DCDC1: variants seen among roughly 807,000 people sequenced by gnomAD.
DCDC1 encodes the protein doublecortin domain-containing protein 1.
Under a neutral mutation model 178.3 loss-of-function variants are expected in DCDC1, and 200 were observed. That is an observed-to-expected ratio of 1.12 (90% CI 1.00 to 1.26). The LOEUF (loss-of-function observed/expected upper bound fraction) is 1.26. DCDC1 is among the 50% of genes most tolerant of loss of function. The pLI, the probability that DCDC1 is intolerant of heterozygous loss-of-function variation, is 0.00. For synonymous variants in DCDC1, 690 were observed against 604.8 expected, an observed-to-expected ratio of 1.14 and a Z score of -2.07; for missense variants, 1,983 against 1,749.2, an observed-to-expected ratio of 1.13 and a Z score of -2.38.
chr11:31,213,740 A>T (rs1973158874), intron 9 of DCDC1, among the ~76,000 whole-genome samples: 1 of 151,938 alleles, frequency 6.6e-6, no homozygotes, highest in South Asian at 2.1e-4. Context: ...CAAAAAAAAA[A>T]GTGGTCATCT....
intron 6 of DCDC1, among the ~76,000 whole-genome samples, chr11:31,292,555 A>G (rs1591662100): frequency 6.6e-6 from 1 of 152,298 alleles, no homozygotes; most frequent in South Asian, 2.1e-4. Flanking sequence ...ATGAAATATC[A>G]GAATAGGTAC....
At chr11:31,101,196 C>T (rs1958481279) in intron 15 of DCDC1, among the ~76,000 whole-genome samples, 2 of 152,122 alleles carry the variant, frequency 1.3e-5, no homozygotes, top group Non-Finnish European at 2.9e-5. Context: ...CTTTGGACTG[C>T]TCTGTCTCTG....
intron 7 of DCDC1, among the ~76,000 whole-genome samples, chr11:31,273,615 C>T (rs1467239859): frequency 1.3e-5 from 2 of 152,144 alleles, no homozygotes; most frequent in Admixed American, 1.3e-4. Flanking sequence ...CCAATTTTGT[C>T]CTATCTTCTT....
intron 3 of DCDC1, among the ~76,000 whole-genome samples, chr11:31,310,568 C>A (rs1309281345): frequency 6.6e-6 from 1 of 151,988 alleles, no homozygotes; most frequent in Non-Finnish European, 1.5e-5. Context: ...ATCCTCCCAC[C>A]TTGGCCTCTC....
intron 11 of DCDC1, among the ~76,000 whole-genome samples, chr11:31,120,017 T>C (rs1960565450): frequency 6.6e-6 from 1 of 152,176 alleles, no homozygotes; most frequent in African/African-American, 2.4e-5. Flanking sequence ...CAATGTCTTC[T>C]GGACAAGGCT....
At chr11:31,260,157 T>G (rs1944687533) in intron 8 of DCDC1, among the ~76,000 whole-genome samples, 1 of 152,200 alleles carries the variant, frequency 6.6e-6, no homozygotes, top group Non-Finnish European at 1.5e-5. Flanking sequence ...GCCATCTGGC[T>G]GATACTGGGA....
chr11:31,029,786 A>C lies in DCDC1; in HGVS notation c.2591+34683T>G, dbSNP rs191514649. Among the ~76,000 whole-genome samples the C allele has an allele frequency of 2.1e-3, 320 of 152,242 alleles. 1 individual carries two copies. Among genetic ancestry groups the C allele is most frequent in the African/African-American group, 6.8e-3 (281 of 41,574 alleles). On this transcript the variant is annotated intron_variant, in intron 20 of 38. Transcript: ENST00000684477. ...GAGGCTGACATTCGTGTTAACTTTCAATGAGGTTTTGTCTTATATATTTTA... is the reference window on the plus strand; with the variant it reads ...GAGGCTGACATTCGTGTTAACTTTCCATGAGGTTTTGTCTTATATATTTTA...
At chr11:30,888,784 T>A (rs1029239965) in intron 36 of DCDC1, among the ~76,000 whole-genome samples, 1 of 152,214 alleles carries the variant, frequency 6.6e-6, no homozygotes, top group African/African-American at 2.4e-5. Context: ...TTCAAATGTA[T>A]CTAAATTTAC....
chr11:30,884,479 G>A (rs1194457181), intron 36 of DCDC1, among the ~76,000 whole-genome samples: 4 of 152,134 alleles, frequency 2.6e-5, no homozygotes, highest in African/African-American at 4.8e-5. Flanking sequence ...TCACCATCAT[G>A]TGAATTTAAT....
At chr11:31,029,195 A>T (rs1374097705) in intron 20 of DCDC1, among the ~76,000 whole-genome samples, 1 of 152,096 alleles carries the variant, frequency 6.6e-6, no homozygotes, top group Non-Finnish European at 1.5e-5. Flanking sequence ...TTTTCAAAAC[A>T]AGTGAACTTC....
At chr11:31,180,988 A>G (rs1968717490) in intron 9 of DCDC1, among the ~76,000 whole-genome samples, 1 of 152,176 alleles carries the variant, frequency 6.6e-6, no homozygotes, top group African/African-American at 2.4e-5. Context: ...CTGCCAGCAC[A>G]GCAGGCTGAA....
At chr11:31,310,308 ATTTT>A (rs11407483) in intron 3 of DCDC1, among the ~76,000 whole-genome samples, 1 of 53,864 alleles carries the variant, frequency 1.9e-5, no homozygotes, top group African/African-American at 8.5e-5. Context: ...GTAATTCTTG[ATTTT>A]TTTTTTTTTT....
chr11:30,968,711 T>TTATATATATATCAAATTATA (rs1949597623), intron 20 of DCDC1, among the ~76,000 whole-genome samples: 1 of 61,058 alleles, frequency 1.6e-5, no homozygotes, highest in Non-Finnish European at 3.1e-5. Flanking sequence ...ATATATCAAA[T>TTATATATATATCAAATTATA]TATATATATA....
At chr11:30,888,650 G>A (rs911333389) in intron 36 of DCDC1, among the ~76,000 whole-genome samples, 1 of 152,170 alleles carries the variant, frequency 6.6e-6, no homozygotes, top group African/African-American at 2.4e-5. Context: ...CCAGGAGGCG[G>A]AGGTTTCAGT....
intron 20 of DCDC1, among the ~76,000 whole-genome samples, chr11:31,029,553 AT>A (rs1265712941): frequency 6.6e-6 from 1 of 152,028 alleles, no homozygotes; most frequent in Non-Finnish European, 1.5e-5. Context: ...TTAAATTGAC[AT>A]TATTTTAGCA....
intron 1 of DCDC1, among the ~76,000 whole-genome samples, chr11:31,356,650 T>C (rs994091376): frequency 6.0e-5 from 9 of 150,568 alleles, no homozygotes; most frequent in Non-Finnish European, 1.3e-4. Flanking sequence ...ATCCAGGAGC[T>C]GGTTTTTTGA....
At position 31,173,769 on chromosome 11, in the gene DCDC1, C is replaced by T. The variant is rs72884224; in HGVS notation, c.1222-35985G>A. The stretch of plus-strand genomic sequence containing the variant: ...ACACACACACACACAAACACACACA[C>T]ACCCCCACATCTTTTTAGACATCTT... On this transcript the variant is annotated intron_variant, in intron 9 of 38. Transcript: ENST00000684477. 2.9e-4 allele frequency among the ~76,000 whole-genome samples: 44 copies of T among 151,472 alleles called. 1 individual carries two copies. The highest frequency in any genetic ancestry group is 8.7e-4 in the African/African-American group (36 of 41,198).
intron 20 of DCDC1, among the ~76,000 whole-genome samples, chr11:30,975,001 G>C (rs7930448): frequency 3.3e-5 from 5 of 152,040 alleles, no homozygotes; most frequent in Non-Finnish European, 5.9e-5. Flanking sequence ...GAATCCAACA[G>C]TACATTAAAA....
chr11:31,093,578 AG>A (rs759379571), intron 16 of DCDC1, among the ~76,000 whole-genome samples: 1 of 152,236 alleles, frequency 6.6e-6, no homozygotes, highest in Non-Finnish European at 1.5e-5. Context: ...ACCAACACAC[AG>A]GAACAAAATG....
Sources: allele counts gnomAD v4.1 joint callset (sites outside exome capture counted in the v4.1 genomes callset), GRCh38; gene constraint gnomAD v4.1.1; transcripts MANE v1.5; gene names NCBI Gene and HGNC (gene_info 2026-07-23, HGNC 2026-07-21).